SLC16A7: variants seen among roughly 807,000 people sequenced by gnomAD.
The protein encoded by SLC16A7 is solute carrier family 16 member 7.
A neutral mutation model predicts 34.9 loss-of-function variants in SLC16A7; 33 were observed. That is an observed-to-expected ratio of 0.94 (90% CI 0.72 to 1.26). The LOEUF (loss-of-function observed/expected upper bound fraction) is 1.26. Among genes scored for constraint, SLC16A7 ranks in the 50% most tolerant of loss-of-function variants. The pLI, the probability that SLC16A7 is intolerant of heterozygous loss-of-function variation, is 0.00. For missense variants in SLC16A7, 573 were observed against 578.1 expected (o/e 0.99, Z 0.09); for synonymous variants, 201 against 206.6 (o/e 0.97, Z 0.23).
intron 3 of SLC16A7, among the ~76,000 whole-genome samples, chr12:59,757,656 C>T (rs561674427): frequency 3.3e-5 from 5 of 151,754 alleles, no homozygotes; most frequent in African/African-American, 4.9e-5. Context: ...GCCTGCCTCT[C>T]CTGCCTCTCC....
Position 59,625,874 on chromosome 12 carries a change from T to TC in SLC16A7, c.-129-29278_-129-29277insC, listed in dbSNP as rs1434254407. ...AATAAAAACAGAACAACTTGTCAGTTTGGGGAAAAAATTACCATATAATTC... is the reference window on the plus strand; with the variant it reads ...AATAAAAACAGAACAACTTGTCAGTTCTGGGGAAAAAATTACCATATAATTC... On this transcript the variant is annotated intron_variant, in intron 1 of 5. Transcript: ENST00000547379. Among the ~76,000 whole-genome samples, 17 of 151,930 alleles carry TC rather than the reference T, an allele frequency of 1.1e-4. No individual in the cohort carries two copies. The East Asian group carries it at 3.1e-3, about 28-fold the overall frequency.
intron 3 of SLC16A7, among the ~76,000 whole-genome samples, chr12:59,762,039 G>T (rs1053584399): frequency 1.3e-5 from 2 of 152,008 alleles, no homozygotes; most frequent in African/African-American, 4.8e-5. Flanking sequence ...AGGCTACCAC[G>T]ATATACAATG....
intron 3 of SLC16A7, among the ~76,000 whole-genome samples, chr12:59,763,472 T>A (rs1319130627): frequency 6.6e-6 from 1 of 152,148 alleles, no homozygotes; most frequent in Non-Finnish European, 1.5e-5. Context: ...GGAAACCATC[T>A]GATTAACAAA....
At chr12:59,710,926 C>T (rs1874155812) in intron 3 of SLC16A7, among the ~76,000 whole-genome samples, 1 of 152,188 alleles carries the variant, frequency 6.6e-6, no homozygotes, top group Non-Finnish European at 1.5e-5. Flanking sequence ...TACACTCTCT[C>T]TTCTCTCTTC....
intron 1 of SLC16A7, among the ~76,000 whole-genome samples, chr12:59,613,147 G>A (rs7305326): frequency 0.056 from 8,575 of 152,298 alleles, 326 homozygotes; most frequent in Non-Finnish European, 0.084. Context: ...CTGCGAGGCC[G>A]CAGAAAACTT....
intron 2 of SLC16A7, among the ~76,000 whole-genome samples, chr12:59,656,787 G>A (rs1868558110): frequency 6.6e-6 from 1 of 151,914 alleles, no homozygotes. Flanking sequence ...TCCATGTTAA[G>A]TATGCTCATA....
chr12:59,668,864 G>C (rs1592458685), intron 2 of SLC16A7, among the ~76,000 whole-genome samples: 1 of 152,276 alleles, frequency 6.6e-6, no homozygotes, highest in East Asian at 1.9e-4. Context: ...GGGTATTCTT[G>C]TGATAGTGAA....
chr12:59,723,540 G>C (rs967466059), intron 3 of SLC16A7, among the ~76,000 whole-genome samples: 2 of 151,872 alleles, frequency 1.3e-5, no homozygotes, highest in African/African-American at 4.8e-5. Context: ...ATGGTCAAGG[G>C]AATAATTGAT....
At chr12:59,772,273 T>G (rs2137444254) in intron 4 of SLC16A7, among the ~76,000 whole-genome samples, 2 of 152,238 alleles carry the variant, frequency 1.3e-5, no homozygotes, top group Middle Eastern at 6.8e-3. Flanking sequence ...TATCCACATC[T>G]CTCTCCTTTT....
intron 3 of SLC16A7, among the ~76,000 whole-genome samples, chr12:59,732,435 GC>G (rs1877066401): frequency 6.6e-6 from 1 of 152,080 alleles, no homozygotes; most frequent in Admixed American, 6.6e-5. Flanking sequence ...GGAAAAAAAT[GC>G]TATAGTTTTA....
chr12:59,645,509 T>C (rs1397648552), intron 1 of SLC16A7, among the ~76,000 whole-genome samples: 4 of 152,112 alleles, frequency 2.6e-5, no homozygotes, highest in Non-Finnish European at 5.9e-5. Flanking sequence ...GAAGGATGTG[T>C]TTGCTTCCCC....
chr12:59,652,240 T>G (rs1331164788), intron 1 of SLC16A7, among the ~76,000 whole-genome samples: 16 of 152,088 alleles, frequency 1.1e-4, no homozygotes, highest in Non-Finnish European at 2.2e-4. Flanking sequence ...ACTTTTATTA[T>G]TCTGTAGATA....
chr12:59,746,260 T>C (rs558173048), intron 3 of SLC16A7, among the ~76,000 whole-genome samples: 1 of 152,354 alleles, frequency 6.6e-6, no homozygotes, highest in African/African-American at 2.4e-5. Context: ...TAATCTAAGA[T>C]GATGTCTGGC....
chr12:59,773,570 C>CTTT (rs34811948), intron 4 of SLC16A7, among the ~76,000 whole-genome samples: 19 of 145,784 alleles, frequency 1.3e-4, no homozygotes, highest in Non-Finnish European at 2.1e-4. Flanking sequence ...AACCAATGTA[C>CTTT]TTTTTTTTTT....
intron 1 of SLC16A7, among the ~76,000 whole-genome samples, chr12:59,607,603 T>C (rs1450052612): frequency 1.3e-5 from 2 of 152,150 alleles, no homozygotes; most frequent in Non-Finnish European, 1.5e-5. Context: ...TATTTTGCAT[T>C]GATGGCAGAG....
At chr12:59,766,904 T>G (rs943946181) in intron 3 of SLC16A7, among the ~76,000 whole-genome samples, 1 of 152,116 alleles carries the variant, frequency 6.6e-6, no homozygotes, top group Non-Finnish European at 1.5e-5. Flanking sequence ...TCAGAAGGAA[T>G]GGTACCAGTT....
rs1000438758 is a variant in SLC16A7, at chr12:59,779,972, C to T, written c.*293C>T. The T allele has an allele frequency of 1.3e-4, 33 of 247,158 alleles. No homozygotes were observed. The highest frequency in any genetic ancestry group is 2.0e-4 in the Non-Finnish European group (25 of 127,024). 15.3% of individuals were successfully genotyped at this position (247,158 alleles called of 1,614,324 possible). On this transcript the variant is annotated 3_prime_UTR_variant, in exon 6 of 6. Transcript: ENST00000547379. ...AATTTTAAAGTCTTCCAGTGACTTT[C>T]GGTCTTGGTTATATGGAGAATTCTG...
chr12:59,655,707 G>GT (rs977815966), intron 2 of SLC16A7, among the ~76,000 whole-genome samples: 2 of 151,608 alleles, frequency 1.3e-5, no homozygotes, highest in African/African-American at 2.4e-5. Context: ...TCATATTGGG[G>GT]TTTTTTTACG....
At position 59,783,657 on chromosome 12, in the gene SLC16A7, T is replaced by G. The variant is rs186789544; in HGVS notation, c.*3978T>G. 1 of 114,414 alleles carries G rather than the reference T, an allele frequency of 8.7e-6. No homozygotes were observed. Among genetic ancestry groups the G allele is most frequent in the South Asian group, 2.8e-4 (1 of 3,564 alleles). 7.1% of individuals were successfully genotyped at this position (114,414 alleles called of 1,614,324 possible). The stretch of plus-strand genomic sequence containing the variant: ...ATGTAATTTCTTTCTTTCTTTCTTT[T>G]TTTTTTTTTTTGAGACTGAGTCTCG... On this transcript the variant is annotated 3_prime_UTR_variant, in exon 6 of 6. Coordinates refer to ENST00000547379, the MANE Select transcript of SLC16A7 (RefSeq NM_001270623.2).
Sources: gnomAD v4.1 joint callset for allele counts (sites outside exome capture counted in the v4.1 genomes callset) on GRCh38, gnomAD v4.1.1 for gene constraint, MANE v1.5 for transcripts, NCBI Gene and HGNC (gene_info 2026-07-23, HGNC 2026-07-21) for gene names.